The following COL10A1 variants were observed in gnomAD, a reference collection of about 807,000 sequenced individuals.
COL10A1 encodes collagen alpha-1(X) chain.
Under a neutral mutation model 18.2 loss-of-function variants are expected in COL10A1, and 10 were observed. The ratio of observed to expected loss-of-function variants is 0.55; its 90% CI spans 0.34 to 0.93. COL10A1 has a LOEUF of 0.93. Ranked by LOEUF, COL10A1 falls within the 40% of genes least tolerant of loss-of-function variation. The pLI is 0.02. For synonymous variants in COL10A1, 330 were observed against 316.6 expected, an observed-to-expected ratio of 1.04 and a Z score of -0.45; for missense variants, 897 against 853.5, an observed-to-expected ratio of 1.05 and a Z score of -0.64.
At chr6:116,141,121 G>A (rs1409519524) in intron 1 of COL10A1, among the ~76,000 whole-genome samples, 5 of 152,150 alleles carry the variant, frequency 3.3e-5, no homozygotes, top group African/African-American at 1.2e-4. Context: ...CCAACCAGTG[G>A]TTGTAAAATG....
In COL10A1 at chr6:116,121,095, C is replaced by T. The variant is rs758947447; in HGVS notation, c.1021G>A (p.Gly341Arg). ...PGKPGLTGPP[G>R]NMGPQGPKGI... ...TTTGGTCCTTGGGGTCCCATATTCCCAGGGGGTCCAGTCAGACCTGGCTTC... is the reference window on the plus strand; with the variant it reads ...TTTGGTCCTTGGGGTCCCATATTCCTAGGGGGTCCAGTCAGACCTGGCTTC... The change falls in exon 3 of 3, where the codon GGG becomes AGG. Residue 341 changes from glycine (G) to arginine (R), a missense_variant. Coordinates refer to ENST00000651968, the MANE Select transcript of COL10A1 (RefSeq NM_000493.4). The T allele has an allele frequency of 2.5e-6, 4 of 1,613,946 alleles. No homozygotes were observed. The highest frequency in any genetic ancestry group is 3.4e-6 in the Non-Finnish European group (4 of 1,179,922).
intron 1 of COL10A1, among the ~76,000 whole-genome samples, chr6:116,138,452 G>C (rs1326405611): frequency 6.6e-6 from 1 of 152,132 alleles, no homozygotes; most frequent in Non-Finnish European, 1.5e-5. Context: ...TCAAATTGGT[G>C]AACACTGTTT....
chr6:116,161,315 C>T (rs561648025), upstream of COL10A1, among the ~76,000 whole-genome samples: 9 of 151,142 alleles, frequency 6.0e-5, no homozygotes, highest in East Asian at 1.7e-3. Context: ...ACATTGTGCA[C>T]ATGTACCCTA....
chr6:116,156,042 T>G (rs965399015), intron 1 of COL10A1, among the ~76,000 whole-genome samples: 2 of 152,332 alleles, frequency 1.3e-5, no homozygotes, highest in South Asian at 4.1e-4. Flanking sequence ...TAAAACATTA[T>G]GATAGTCACA....
chr6:116,143,540 A>C (rs887522107), intron 1 of COL10A1, among the ~76,000 whole-genome samples: 4 of 152,096 alleles, frequency 2.6e-5, no homozygotes, highest in Non-Finnish European at 1.5e-5. Flanking sequence ...GTTTTTGTTC[A>C]GGTTGAATTT....
At chr6:116,184,159 A>C in the COL10A1 span, among the ~76,000 whole-genome samples, 1 of 152,066 alleles carries the variant, frequency 6.6e-6, no homozygotes, top group Non-Finnish European at 1.5e-5. Context: ...TGAGATGATC[A>C]TGTGATTTTT....
chr6:116,146,721 G>T (rs1779907331), intron 1 of COL10A1, among the ~76,000 whole-genome samples: 2 of 151,994 alleles, frequency 1.3e-5, no homozygotes, highest in South Asian at 2.1e-4. Context: ...AAGTGTCATG[G>T]TATTCAAACT....
chr6:116,127,709 T>C (rs1241085971), upstream of COL10A1, among the ~76,000 whole-genome samples: 1 of 152,152 alleles, frequency 6.6e-6, no homozygotes, highest in Admixed American at 6.5e-5. Context: ...TATTAAAATA[T>C]ATATTTTAAT....
chr6:116,152,283 C>T (rs1290460628), intron 1 of COL10A1, among the ~76,000 whole-genome samples: 1 of 152,144 alleles, frequency 6.6e-6, no homozygotes, highest in Non-Finnish European at 1.5e-5. Flanking sequence ...AAGGTTTTAA[C>T]ACCTTAAAGG....
chr6:116,128,030 G>A (rs375677070), upstream of COL10A1, among the ~76,000 whole-genome samples: 20 of 152,070 alleles, frequency 1.3e-4, 1 homozygote, highest in East Asian at 9.6e-4. Context: ...GTATTCTGCT[G>A]TTCTCCATGG....
At chr6:116,213,207 C>T in the COL10A1 span, among the ~76,000 whole-genome samples, 1 of 152,028 alleles carries the variant, frequency 6.6e-6, no homozygotes, top group African/African-American at 2.4e-5. Context: ...TGGTTGCAGT[C>T]AGATGTCAGT....
At chr6:116,144,648 G>A (rs76017197) in intron 1 of COL10A1, among the ~76,000 whole-genome samples, 4,516 of 152,150 alleles carry the variant, frequency 0.03, 255 homozygotes, top group African/African-American at 0.1. Context: ...GTTAGTAAAC[G>A]GACTCTTAGA....
chr6:116,181,624 A>G, the COL10A1 span, among the ~76,000 whole-genome samples: 4 of 152,248 alleles, frequency 2.6e-5, no homozygotes, highest in Admixed American at 2.6e-4. Context: ...CATTAAAATC[A>G]GTTGTATATC....
chr6:116,169,077 C>T, the COL10A1 span, among the ~76,000 whole-genome samples: 15 of 152,156 alleles, frequency 9.9e-5, no homozygotes, highest in Non-Finnish European at 2.1e-4. Context: ...TTGAAGATTG[C>T]GACTTCTTAG....
At chr6:116,201,739 C>G in the COL10A1 span, among the ~76,000 whole-genome samples, 2 of 152,012 alleles carry the variant, frequency 1.3e-5, no homozygotes, top group African/African-American at 4.8e-5. Flanking sequence ...CCGAAAGAAA[C>G]ACAGGTGTAC....
intron 1 of COL10A1, among the ~76,000 whole-genome samples, chr6:116,151,675 GA>G (rs1780042671): frequency 6.6e-6 from 1 of 152,102 alleles, no homozygotes; most frequent in Non-Finnish European, 1.5e-5. Context: ...TAATATGTTA[GA>G]AACCATAATT....
the COL10A1 span, among the ~76,000 whole-genome samples, chr6:116,173,681 A>AT: frequency 8.6e-5 from 13 of 151,976 alleles, no homozygotes; most frequent in Non-Finnish European, 1.6e-4. Context: ...TTATTTATTT[A>AT]TTTTTTTGGT....
At chr6:116,164,597 T>A in the COL10A1 span, among the ~76,000 whole-genome samples, 1 of 152,202 alleles carries the variant, frequency 6.6e-6, no homozygotes, top group Non-Finnish European at 1.5e-5. Context: ...ATATGTGAGG[T>A]TTTGTTCCTT....
At chr6:116,159,687 G>T (rs1179893868), upstream of COL10A1, among the ~76,000 whole-genome samples, 3 of 152,130 alleles carry the variant, frequency 2.0e-5, no homozygotes, top group Non-Finnish European at 4.4e-5. Context: ...TGGGTATATT[G>T]CATAATTGTG....
Sources: gnomAD v4.1 joint callset for allele counts (sites outside exome capture counted in the v4.1 genomes callset) on GRCh38, gnomAD v4.1.1 for gene constraint, MANE v1.5 for transcripts, NCBI Gene and HGNC (gene_info 2026-07-23, HGNC 2026-07-21) for gene names.